Variants in DUSP22 observed in about 807,000 individuals in gnomAD.
DUSP22 encodes dual specificity phosphatase 22, also known as dual specificity protein phosphatase 22.
Under a neutral mutation model 24.5 loss-of-function variants are expected in DUSP22, and 24 were observed. The ratio of observed to expected loss-of-function variants is 0.98; its 90% confidence interval spans 0.71 to 1.38. The LOEUF is 1.38. Ranked by LOEUF, DUSP22 falls within the 40% of genes most tolerant of loss-of-function variation. The pLI is 0.00. For synonymous variants in DUSP22, 160 were observed against 106.4 expected (o/e 1.50, Z -3.10); for missense variants, 330 against 269.2 (o/e 1.23, Z -1.58).
chr6:320,359 G>T (rs1293710210), intron 3 of DUSP22: 3 of 152,806 alleles, frequency 2.0e-5, no homozygotes, highest in Non-Finnish European at 4.4e-5. Context: ...CAGTCACCTG[G>T]CACAGGTGTG....
chr6:338,605 C>T (rs1157619009), intron 4 of DUSP22, among the ~76,000 whole-genome samples: 12 of 152,304 alleles, frequency 7.9e-5, no homozygotes, highest in African/African-American at 2.9e-4. Flanking sequence ...AAACTGTGTT[C>T]TGCAGGACCT....
intron 3 of DUSP22, among the ~76,000 whole-genome samples, chr6:323,283 C>T (rs1215502800): frequency 2.6e-5 from 4 of 152,268 alleles, no homozygotes; most frequent in South Asian, 2.1e-4. Flanking sequence ...CAGTATCAAA[C>T]CCTAGGTTTG....
rs1760113068 is a variant in DUSP22, at chr6:349,942, G to A, written c.*991G>A. 1.0e-6 allele frequency: 1 copy of A among 985,870 alleles called. No homozygotes were observed. Among genetic ancestry groups the A allele is most frequent in the Non-Finnish European group, 1.2e-6 (1 of 830,132 alleles). The allele number at this position is 985,870 out of a possible 1,614,324, so 61.1% of individuals were successfully genotyped here. On this transcript the variant is annotated 3_prime_UTR_variant, in exon 7 of 7. Transcript: ENST00000419235. ...CCCAGCCTCTCGCTGTCCTCACTTTGCAGGGGCTCCTCCTCAACATTTGCA... is the reference window on the plus strand; with the variant it reads ...CCCAGCCTCTCGCTGTCCTCACTTTACAGGGGCTCCTCCTCAACATTTGCA...
At chr6:300,701 G>A (rs145233241) in intron 1 of DUSP22, among the ~76,000 whole-genome samples, 317 of 152,186 alleles carry the variant, frequency 2.1e-3, no homozygotes, top group Middle Eastern at 6.8e-3. Context: ...GGCAGGGCAG[G>A]AACAGACCTG....
At chr6:312,987 A>C (rs1481435947) in intron 3 of DUSP22, among the ~76,000 whole-genome samples, 2 of 124,612 alleles carry the variant, frequency 1.6e-5, no homozygotes, top group East Asian at 2.3e-4. Flanking sequence ...TTTTTTGCTA[A>C]GGTGCTGTAA....
chr6:311,149 G>A (rs1758067595), intron 2 of DUSP22, among the ~76,000 whole-genome samples: 1 of 152,308 alleles, frequency 6.6e-6, no homozygotes, highest in Non-Finnish European at 1.5e-5. Context: ...ACATTGGTTA[G>A]TGCCTGGCTA....
chr6:335,813 G>T (rs1300487465), intron 4 of DUSP22, among the ~76,000 whole-genome samples: 1 of 152,304 alleles, frequency 6.6e-6, no homozygotes, highest in Non-Finnish European at 1.5e-5. Context: ...GCTGCCTTAT[G>T]GGGCAGCATG....
At chr6:322,371 C>T (rs1310339393) in intron 3 of DUSP22, among the ~76,000 whole-genome samples, 2 of 152,302 alleles carry the variant, frequency 1.3e-5, no homozygotes, top group African/African-American at 4.8e-5. Flanking sequence ...TCTAGTTAGT[C>T]TCAGCTCTTC....
intron 2 of DUSP22, 61 bp downstream of exon 2, chr6:304,722 G>T: frequency 1.2e-6 from 2 of 1,604,462 alleles, no homozygotes; most frequent in South Asian, 2.2e-5. Flanking sequence ...GTGTCATCTT[G>T]ACCATTTTAA....
At chr6:300,510 G>A (rs905807251) in intron 1 of DUSP22, among the ~76,000 whole-genome samples, 1 of 152,422 alleles carries the variant, frequency 6.6e-6, no homozygotes, top group East Asian at 1.9e-4. Flanking sequence ...GAAGGGAGAC[G>A]CTAAGAAGCT....
At chr6:340,657 C>A (rs1037709758) in intron 4 of DUSP22, among the ~76,000 whole-genome samples, 1 of 152,296 alleles carries the variant, frequency 6.6e-6, no homozygotes, top group Non-Finnish European at 1.5e-5. Flanking sequence ...ACTTTTGTAT[C>A]ATTTGCAGGA....
intron 4 of DUSP22, among the ~76,000 whole-genome samples, chr6:342,271 G>A (rs779500644): frequency 5.9e-5 from 9 of 152,418 alleles, no homozygotes; most frequent in Non-Finnish European, 7.3e-5. Context: ...GCTGCTCTGC[G>A]TACAGACACG....
rs914929358 is a variant in DUSP22 at position 338,469 on chromosome 6, A to T, written c.188+3306A>T. 1.8e-4 allele frequency among the ~76,000 whole-genome samples: 28 copies of T among 152,420 alleles called. No homozygotes were observed. The East Asian group carries it at 4.0e-3, about 22-fold the overall frequency. ...CGGGGTATTTATTAAGGTGTTTATT[A>T]CCAAGTATCAGGTGCTGACAATCAA... On this transcript the variant is annotated intron_variant, in intron 4 of 6. Coordinates refer to ENST00000419235, the MANE Select transcript of DUSP22 (RefSeq NM_001286555.3).
rs1160850597 is a variant in DUSP22 at position 347,980 on chromosome 6, T to C, written c.264-123T>C. On this transcript the variant is annotated intron_variant, in intron 5 of 6. Coordinates refer to ENST00000419235, the MANE Select transcript of DUSP22 (RefSeq NM_001286555.3). ...CCTGGTGGCGAGCTTGCTGTCCACA[T>C]ATAATCCAAGGCAGGAAGACTTTCT... The C allele has an allele frequency of 3.5e-6, 5 of 1,440,448 alleles. No individual in the cohort carries two copies. In the African/African-American group the frequency reaches 5.6e-5, roughly 16 times the overall value. The allele number at this position is 1,440,448 out of a possible 1,614,324, so 89.2% of individuals were successfully genotyped here.
At chr6:298,019 G>A (rs1209490537) in intron 1 of DUSP22, among the ~76,000 whole-genome samples, 1 of 152,304 alleles carries the variant, frequency 6.6e-6, no homozygotes, top group Non-Finnish European at 1.5e-5. Context: ...TTGGAGAGGA[G>A]CCTCCTGCAG....
At chr6:329,224 A>G (rs1055145300) in intron 3 of DUSP22, among the ~76,000 whole-genome samples, 1 of 152,290 alleles carries the variant, frequency 6.6e-6, no homozygotes, top group African/African-American at 2.4e-5. Flanking sequence ...CGGTTTTCAC[A>G]GTTTGCTTGC....
chr6:341,025 C>T (rs973701764), intron 4 of DUSP22, among the ~76,000 whole-genome samples: 1 of 152,300 alleles, frequency 6.6e-6, no homozygotes, highest in African/African-American at 2.4e-5. Flanking sequence ...GGGACCCAGG[C>T]AGAGGGTGCT....
intron 2 of DUSP22, among the ~76,000 whole-genome samples, chr6:310,157 C>A (rs965817750): frequency 6.6e-6 from 1 of 152,302 alleles, no homozygotes; most frequent in African/African-American, 2.4e-5. Flanking sequence ...GATGTGGTTT[C>A]GCCGTGGTGA....
intron 3 of DUSP22, among the ~76,000 whole-genome samples, chr6:313,301 C>G (rs1283331575): frequency 1.3e-5 from 2 of 152,426 alleles, no homozygotes; most frequent in Non-Finnish European, 1.5e-5. Flanking sequence ...ATGGAACACA[C>G]TGTCATGTGT....
Sources: gnomAD v4.1 joint callset for allele counts (sites outside exome capture counted in the v4.1 genomes callset) on GRCh38, gnomAD v4.1.1 for gene constraint, MANE v1.5 for transcripts, NCBI Gene and HGNC (gene_info 2026-07-23, HGNC 2026-07-21) for gene names.